The following SMG6 variants were observed in gnomAD, a reference collection of about 807,000 sequenced individuals.
The protein encoded by SMG6 is telomerase-binding protein EST1A.
SMG6 carries 66 observed loss-of-function variants against 142.2 expected under a neutral mutation model. The ratio of observed to expected loss-of-function variants is 0.46; its 90% CI spans 0.38 to 0.57. SMG6 has a LOEUF of 0.57. SMG6 is among the 20% of genes least tolerant of loss of function. SMG6 has a pLI of 0.00. For synonymous variants in SMG6, 779 were observed against 702.4 expected, an observed-to-expected ratio of 1.11 and a Z score of -1.72; for missense variants, 1,793 against 1,832.0, an observed-to-expected ratio of 0.98 and a Z score of 0.39.
chr17:2,152,885 T>C (rs2070870525), intron 13 of SMG6, among the ~76,000 whole-genome samples: 2 of 151,822 alleles, frequency 1.3e-5, no homozygotes, highest in Admixed American at 1.3e-4. Flanking sequence ...CACAAATGTT[T>C]ACAGCAGTTC....
intron 13 of SMG6, among the ~76,000 whole-genome samples, chr17:2,092,203 C>G (rs2068745914): frequency 6.6e-6 from 1 of 152,160 alleles, no homozygotes; most frequent in Admixed American, 6.5e-5. Flanking sequence ...CCAGGCTGGT[C>G]TCGAACGCCT....
At chr17:2,197,073 G>T (rs186890817) in intron 10 of SMG6, among the ~76,000 whole-genome samples, 4 of 152,162 alleles carry the variant, frequency 2.6e-5, no homozygotes, top group Admixed American at 2.6e-4. Flanking sequence ...CAGGACCTAG[G>T]ACTAAGAGTT....
In SMG6 at chr17:2,289,941, C is replaced by CATATATATATAT. The variant is rs3055883; in HGVS notation, c.2337+2599_2337+2610dup. On this transcript the variant is annotated intron_variant, in intron 6 of 18. Coordinates refer to ENST00000263073, the MANE Select transcript of SMG6 (RefSeq NM_017575.5). ...AAAAAAAAATAATTATTATTTTATA[C>CATATATATATAT]ATATATATATATATATATATATATG... Among the ~76,000 whole-genome samples, 318 of 141,550 alleles carry CATATATATATAT rather than the reference C, an allele frequency of 2.2e-3. 1 individual carries two copies. Among genetic ancestry groups the CATATATATATAT allele is most frequent in the Non-Finnish European group, 3.3e-3 (217 of 65,314 alleles). 92.9% of individuals were successfully genotyped at this position (141,550 alleles called of 152,430 possible).
At chr17:2,136,590 C>T (rs896764450) in intron 13 of SMG6, among the ~76,000 whole-genome samples, 3 of 152,164 alleles carry the variant, frequency 2.0e-5, no homozygotes, top group African/African-American at 7.2e-5. Flanking sequence ...GTTCAACACA[C>T]ACACGCATAC....
At chr17:2,163,707 G>A (rs1054165519) in intron 13 of SMG6, among the ~76,000 whole-genome samples, 9 of 137,168 alleles carry the variant, frequency 6.6e-5, no homozygotes, top group African/African-American at 1.4e-4. Context: ...TTTTTTTCAC[G>A]TCTTACTGTA....
chr17:2,101,404 C>T (rs541401583), intron 13 of SMG6: 9 of 152,294 alleles, frequency 5.9e-5, no homozygotes, highest in Non-Finnish European at 1.2e-4. Context: ...ACCCAACCTA[C>T]TTTATATTTT....
At chr17:2,297,765 T>C (rs891985522) in intron 3 of SMG6, 98 bp downstream of exon 3, 9 of 1,391,182 alleles carry the variant, frequency 6.5e-6, no homozygotes, top group Non-Finnish European at 7.8e-6. Flanking sequence ...TTTTTGTCGA[T>C]ATTCTGTTCT....
rs72634006 is a variant in SMG6, at chr17:2,272,396, C to A, written c.2661+10251G>T. On this transcript the variant is annotated intron_variant, in intron 8 of 18. Transcript: ENST00000263073. The stretch of plus-strand genomic sequence containing the variant: ...GCCTCTCTCTGTGCTTCCACAGTAC[C>A]CAATACATACCTCCCTCCTGGCACC... Among the ~76,000 whole-genome samples, 6,809 of 152,242 alleles carry A rather than the reference C, an allele frequency of 0.045. 818 individuals carry two copies. The East Asian group carries it at 0.51, about 11-fold the overall frequency.
intron 10 of SMG6, among the ~76,000 whole-genome samples, chr17:2,207,101 G>C (rs1286504524): frequency 9.3e-6 from 1 of 107,056 alleles, no homozygotes; most frequent in East Asian, 2.7e-4. Flanking sequence ...GTGAAATCTT[G>C]TCTCTACTAA....
At chr17:2,160,094 T>C (rs966333106) in intron 13 of SMG6, among the ~76,000 whole-genome samples, 4 of 152,320 alleles carry the variant, frequency 2.6e-5, no homozygotes, top group African/African-American at 9.6e-5. Context: ...TTATGCAGAA[T>C]ATATAAATAT....
At chr17:2,164,928 C>T (rs2071288496) in intron 13 of SMG6, among the ~76,000 whole-genome samples, 1 of 150,936 alleles carries the variant, frequency 6.6e-6, no homozygotes, top group Admixed American at 6.6e-5. Context: ...CAGAGCGAGA[C>T]TCCATCTCAA....
intron 13 of SMG6, chr17:2,088,025 G>A: frequency 1.0e-6 from 1 of 985,780 alleles, no homozygotes; most frequent in Non-Finnish European, 1.2e-6. Context: ...GAATGGAGAG[G>A]AGAGGGGAGC....
At chr17:2,126,819 T>C (rs1293438117) in intron 13 of SMG6, among the ~76,000 whole-genome samples, 1 of 151,636 alleles carries the variant, frequency 6.6e-6, no homozygotes, top group Non-Finnish European at 1.5e-5. Context: ...TGGGAGGCTA[T>C]GGTGGGACGA....
Position 2,299,478 on chromosome 17 carries a change from T to C in SMG6, c.1275A>G (p.Pro425=), listed in dbSNP as rs370659869. The stretch of plus-strand genomic sequence containing the variant: ...GCCGAGGTCCCAAAGGCGCGGACTC[T>C]GGAGAACCTGCTGAATTGACAGATA... ...TTLSVNSAGS[P]ESAPLGPRLL... The change falls in exon 2 of 19, where the codon CCA becomes CCG. Residue 425 remains proline (P), a synonymous_variant. Transcript: ENST00000263073. This position sits in a 1 kb window ranked among gnomAD's most constrained non-coding sequence, Gnocchi z 4.3. The C allele has an allele frequency of 5.6e-6, 9 of 1,614,036 alleles. No individual in the cohort carries two copies. In the Admixed American group the frequency reaches 1.3e-4, roughly 24 times the overall value.
chr17:2,250,259 G>A (rs993436789), intron 8 of SMG6, among the ~76,000 whole-genome samples: 1 of 152,056 alleles, frequency 6.6e-6, no homozygotes, highest in Admixed American at 6.6e-5. Context: ...CCGAATTTCT[G>A]AAAAGTGAAT....
chr17:2,270,007 C>T (rs781033627), intron 8 of SMG6, among the ~76,000 whole-genome samples: 4 of 151,882 alleles, frequency 2.6e-5, no homozygotes, highest in South Asian at 4.2e-4. Context: ...CCAGCCTGGG[C>T]GACAGAGTGA....
chr17:2,196,923 C>T (rs534631821), intron 10 of SMG6, among the ~76,000 whole-genome samples: 1 of 152,220 alleles, frequency 6.6e-6, no homozygotes, highest in South Asian at 2.1e-4. Flanking sequence ...AGCAATTAGA[C>T]ATCTGTATGC....
chr17:2,246,607 T>A (rs2073932699), intron 8 of SMG6, among the ~76,000 whole-genome samples: 1 of 152,230 alleles, frequency 6.6e-6, no homozygotes, highest in Non-Finnish European at 1.5e-5. Context: ...ATAACCTGTC[T>A]ATACAGCAAG....
At chr17:2,079,413 T>C (rs1158387528) in intron 15 of SMG6, among the ~76,000 whole-genome samples, 1 of 151,974 alleles carries the variant, frequency 6.6e-6, no homozygotes, top group African/African-American at 2.4e-5. Context: ...GGCGGGCAGA[T>C]CACGAAGTCA....
Sources: gnomAD v4.1 joint callset for allele counts (sites outside exome capture counted in the v4.1 genomes callset) on GRCh38, gnomAD v4.1.1 for gene constraint, Gnocchi (gnomAD v3.1) non-coding constraint, MANE v1.5 for transcripts, NCBI Gene and HGNC (gene_info 2026-07-23, HGNC 2026-07-21) for gene names.